Variants in ATP12A observed in about 807,000 individuals in gnomAD.
The protein encoded by ATP12A is potassium-transporting ATPase alpha chain 2.
In ATP12A, 81 loss-of-function variants were observed where a neutral mutation model predicts 111.2. That is an observed-to-expected ratio of 0.73 (90% CI 0.61 to 0.88). ATP12A has a LOEUF of 0.88. Ranked by LOEUF, ATP12A falls within the 40% of genes least tolerant of loss-of-function variation. ATP12A has a pLI of 0.00. For synonymous variants in ATP12A, 498 were observed against 499.8 expected (o/e 1.00, Z 0.05); for missense variants, 1,196 against 1,313.1 (o/e 0.91, Z 1.38).
intron 11 of ATP12A, among the ~76,000 whole-genome samples, chr13:24,697,527 C>A (rs988301353): frequency 6.6e-6 from 1 of 151,582 alleles, no homozygotes; most frequent in African/African-American, 2.4e-5. Context: ...GTAGTCCCAG[C>A]TACTTGGGAG....
chr13:24,682,099 GTGTGTGTGA>G (rs1874478130), intron 2 of ATP12A, among the ~76,000 whole-genome samples: 1 of 91,968 alleles, frequency 1.1e-5, no homozygotes, highest in Non-Finnish European at 2.2e-5. Context: ...TGTGTGTGAT[GTGTGTGTGA>G]TGTGTGTGTG....
At chr13:24,688,817 G>C (rs1413006310) in intron 4 of ATP12A, among the ~76,000 whole-genome samples, 1 of 152,206 alleles carries the variant, frequency 6.6e-6, no homozygotes, top group Non-Finnish European at 1.5e-5. Flanking sequence ...GAGAGCAGCT[G>C]TGCCTGCCGA....
At chr13:24,684,500 C>T (rs1022551380) in intron 2 of ATP12A, among the ~76,000 whole-genome samples, 2 of 151,970 alleles carry the variant, frequency 1.3e-5, no homozygotes, top group Non-Finnish European at 2.9e-5. Context: ...GAAGACTTAC[C>T]CTAGGTTTTC....
Position 24,709,385 on chromosome 13 carries a change from T to G in ATP12A, c.2515T>G (p.Tyr839Asp), listed in dbSNP as rs749358018. The change falls in exon 18 of 23, where the codon TAC becomes GAC. Residue 839 changes from tyrosine (Y) to aspartate (D), a missense_variant. Transcript: ENST00000381946. Reference sequence around the variant, plus strand: ...CTAGATCCCCTCCATTGCCTTGGCGTACGAGAAAGCTGAAAGTGACATCAT... The same window carrying G: ...CTAGATCCCCTCCATTGCCTTGGCGGACGAGAAAGCTGAAAGTGACATCAT... ...TDIIPSIALA[Y>D]EKAESDIMNR... The G allele has an allele frequency of 6.2e-7, 1 of 1,601,206 alleles. No homozygotes were observed. Among genetic ancestry groups the G allele is most frequent in the South Asian group, 1.1e-5 (1 of 90,832 alleles).
In ATP12A at chr13:24,690,908, G is replaced by C; in HGVS notation, c.800-74G>C. On this transcript the variant is annotated intron_variant, in intron 7 of 22. Coordinates refer to ENST00000381946, the MANE Select transcript of ATP12A (RefSeq NM_001676.7). ...TGCCTATCGATTGTGCCAGCCCCCA[G>C]AGAGGGCTGCAAGCTGGCTGCACAC... 2.5e-6 allele frequency: 4 copies of C among 1,577,010 alleles called. No individual in the cohort carries two copies. In the South Asian group the frequency reaches 3.5e-5, roughly 14 times the overall value.
rs755698118 is a variant in ATP12A at position 24,710,624 on chromosome 13, C to A, written c.2897+31C>A. On this transcript the variant is annotated intron_variant, in intron 20 of 22. Transcript: ENST00000381946. Reference sequence around the variant, plus strand: ...GCCTGTGCCCGGCCTCCTGGGGCAGCCCTGGGCCTGCCGTGCAAGGATGAT... The same window carrying A: ...GCCTGTGCCCGGCCTCCTGGGGCAGACCTGGGCCTGCCGTGCAAGGATGAT... The A allele has an allele frequency of 2.5e-6, 4 of 1,613,470 alleles. No homozygotes were observed. The South Asian group carries it at 3.3e-5, about 13-fold the overall frequency.
chr13:24,684,814 T>C (rs749539058), intron 2 of ATP12A, among the ~76,000 whole-genome samples: 40 of 152,176 alleles, frequency 2.6e-4, no homozygotes, highest in Non-Finnish European at 4.6e-4. Context: ...CCCAGTGAGC[T>C]CCCTGAGCGT....
intron 5 of ATP12A, 74 bp from the exon 6 acceptor site, chr13:24,690,264 G>A (rs758197580): frequency 4.1e-5 from 65 of 1,576,204 alleles, no homozygotes; most frequent in Non-Finnish European, 5.3e-5. Context: ...CCTGGGGTTC[G>A]GTGCGGCACA....
chr13:24,702,175 G>C, intron 14 of ATP12A, 104 bp downstream of exon 14: 1 of 1,448,472 alleles, frequency 6.9e-7, no homozygotes, highest in Non-Finnish European at 9.5e-7. Context: ...TTTGCTCTCA[G>C]AGTTATGCTA....
intron 13 of ATP12A, 101 bp from the exon 14 acceptor site, chr13:24,701,834 G>A (rs904468909): frequency 1.3e-5 from 19 of 1,479,674 alleles, no homozygotes; most frequent in East Asian, 2.3e-5. Flanking sequence ...CACCAACCAC[G>A]TTCTCCCAGG....
At position 24,685,489 on chromosome 13, in the gene ATP12A, C is replaced by T. The variant is rs1032466908; in HGVS notation, c.228+116C>T. On this transcript the variant is annotated intron_variant, in intron 3 of 22. Coordinates refer to ENST00000381946, the MANE Select transcript of ATP12A (RefSeq NM_001676.7). The surrounding 1 kb of genome is among the most constrained non-coding windows in gnomAD (Gnocchi z 5.5). ...GCGGCACCTTTAGGAGGAGGGGCCC[C>T]TGCAGCGCCTTTGAGACTGCAGTTA... The T allele has an allele frequency of 5.0e-6, 5 of 1,008,332 alleles. No homozygotes were observed. Among genetic ancestry groups the T allele is most frequent in the Non-Finnish European group, 7.8e-6 (5 of 641,980 alleles). 62.5% of individuals were successfully genotyped at this position (1,008,332 alleles called of 1,614,324 possible). A position where few individuals can be genotyped will look rare whatever the true frequency, so the allele number is the denominator to read the frequency against.
Position 24,707,322 on chromosome 13 carries a change from C to G in ATP12A, c.2382C>G (p.Ser794=). Residue 794 remains serine, a synonymous_variant, in exon 17 of 23, where the codon TCC becomes TCG. Transcript: ENST00000381946. ...FDNLKKTIAY[S]LTKNIAELCP... is the part of the protein sequence containing the mutation. ...ACCTCAAGAAGACTATTGCTTATTC[C>G]CTGACCAAGAACATTGCCGAGCTGT... 6.2e-7 allele frequency: 1 copy of G among 1,614,228 alleles called. No individual in the cohort carries two copies. Among genetic ancestry groups the G allele is most frequent in the South Asian group, 1.1e-5 (1 of 91,086 alleles).
chr13:24,698,114 A>C (rs1875241864), intron 11 of ATP12A, among the ~76,000 whole-genome samples: 1 of 151,560 alleles, frequency 6.6e-6, no homozygotes, highest in Non-Finnish European at 1.5e-5. Flanking sequence ...TAAAATGGAG[A>C]CTCCTGTGAC....
At chr13:24,697,735 G>T (rs1000810752) in intron 11 of ATP12A, among the ~76,000 whole-genome samples, 1 of 149,176 alleles carries the variant, frequency 6.7e-6, no homozygotes. Context: ...TTTTCTGTTT[G>T]GTTTGGTTTT....
At chr13:24,681,960 GTGTGTGGTGTATGGTGTGTGGT>G (rs1874458885) in intron 2 of ATP12A, among the ~76,000 whole-genome samples, 1 of 135,082 alleles carries the variant, frequency 7.4e-6, no homozygotes, top group Non-Finnish European at 1.6e-5. Flanking sequence ...TGTATGTGTG[GTGTGTGGTGTATGGTGTGTGGT>G]GTGTGTGTAT....
At chr13:24,680,836 G>A in intron 1 of ATP12A, 84 bp downstream of exon 1, 1 of 1,411,246 alleles carries the variant, frequency 7.1e-7, no homozygotes, top group East Asian at 3.0e-5. Flanking sequence ...GGGAAGCGAG[G>A]AAAAGGCGAA....
chr13:24,709,671 T>A lies in ATP12A; in HGVS notation c.2618-12T>A. The A allele has an allele frequency of 1.2e-6, 2 of 1,613,968 alleles. No homozygotes were observed. Among genetic ancestry groups the A allele is most frequent in the African/African-American group, 2.7e-5 (2 of 75,058 alleles). ...TCATAGAACCTGTGTCCTATCTCTC[T>A]TGTTCTTTCAGGCCTCATGCAAGCC... On this transcript the variant is annotated splice_polypyrimidine_tract_variant and intron_variant, in intron 18 of 22. Coordinates refer to ENST00000381946, the MANE Select transcript of ATP12A (RefSeq NM_001676.7).
chr13:24,684,871 A>G (rs996197501), intron 2 of ATP12A, among the ~76,000 whole-genome samples: 6 of 152,178 alleles, frequency 3.9e-5, no homozygotes, highest in African/African-American at 1.4e-4. Flanking sequence ...GAGCCCACAC[A>G]GCGAAGGAGG....
chr13:24,692,164 G>A (rs545910076), intron 8 of ATP12A, among the ~76,000 whole-genome samples: 10 of 152,232 alleles, frequency 6.6e-5, no homozygotes, highest in East Asian at 5.8e-4. Flanking sequence ...TTTGCTGCCC[G>A]TGGGTCCCTT....
Sources: allele counts gnomAD v4.1 joint callset (sites outside exome capture counted in the v4.1 genomes callset), GRCh38; gene constraint gnomAD v4.1.1; non-coding constraint Gnocchi (gnomAD v3.1); transcripts MANE v1.5; gene names NCBI Gene and HGNC (gene_info 2026-07-23, HGNC 2026-07-21).